The following RAPGEF5 variants were observed in gnomAD, a reference collection of about 807,000 sequenced individuals.
RAPGEF5 encodes the protein Rap guanine nucleotide exchange factor 5.
In RAPGEF5, 65 loss-of-function variants were observed where a neutral mutation model predicts 125.2. The observed-to-expected ratio is 0.52, with a 90% CI of 0.43 to 0.64. RAPGEF5 has a LOEUF of 0.64. Ranked by LOEUF, RAPGEF5 falls within the 30% of genes least tolerant of loss-of-function variation. RAPGEF5 has a pLI of 0.00. For missense variants in RAPGEF5, 958 were observed against 1,048.1 expected (o/e 0.91, Z 1.19); for synonymous variants, 391 against 385.9 (o/e 1.01, Z -0.16).
intron 11 of RAPGEF5, among the ~76,000 whole-genome samples, chr7:22,188,563 G>A (rs1583464099): frequency 6.6e-6 from 1 of 151,988 alleles, no homozygotes; most frequent in Non-Finnish European, 1.5e-5. Flanking sequence ...TCAAGAGATT[G>A]AGACCATCCT....
intron 7 of RAPGEF5, among the ~76,000 whole-genome samples, chr7:22,239,160 G>A (rs993071191): frequency 6.6e-6 from 1 of 152,134 alleles, no homozygotes; most frequent in Non-Finnish European, 1.5e-5. Context: ...ATGGAGATGT[G>A]CCCAGGTGGG....
rs113980579 is a variant in RAPGEF5 at position 22,136,600 on chromosome 7, AGG to A, written c.2328+331_2328+332del. Among the ~76,000 whole-genome samples the A allele has an allele frequency of 2.9e-3, 439 of 152,316 alleles. 1 individual carries two copies. The highest frequency in any genetic ancestry group is 0.01 in the African/African-American group (422 of 41,578). On this transcript the variant is annotated intron_variant, in intron 22 of 25. Transcript: ENST00000665637. ...TCTAAGAAATTGTAAAAAGGAGAAA[AGG>A]GAAAAAGAAAATGCATGAGACACTA...
At chr7:22,133,326 T>C (rs945802601) in intron 23 of RAPGEF5, among the ~76,000 whole-genome samples, 1 of 152,082 alleles carries the variant, frequency 6.6e-6, no homozygotes, top group African/African-American at 2.4e-5. Context: ...CAGGTTTCGA[T>C]GCAGTTGAAT....
chr7:22,305,301 CCTTT>C (rs765363021), intron 5 of RAPGEF5, among the ~76,000 whole-genome samples: 1 of 152,168 alleles, frequency 6.6e-6, no homozygotes, highest in Non-Finnish European at 1.5e-5. Flanking sequence ...CCACAATCAA[CCTTT>C]CTATTAGCAC....
At chr7:22,224,254 T>A (rs1450801591) in intron 8 of RAPGEF5, among the ~76,000 whole-genome samples, 5 of 152,186 alleles carry the variant, frequency 3.3e-5, no homozygotes, top group Non-Finnish European at 5.9e-5. Context: ...ATGGTAAATA[T>A]ATGGGCCTAT....
intron 6 of RAPGEF5, among the ~76,000 whole-genome samples, chr7:22,279,192 T>A (rs1260564320): frequency 6.6e-6 from 1 of 152,200 alleles, no homozygotes; most frequent in Non-Finnish European, 1.5e-5. Flanking sequence ...CTTTTGCCCA[T>A]TCAATTCTCA....
chr7:22,140,082 A>G lies in RAPGEF5; in HGVS notation c.2220T>C (p.Phe740=). Residue 740 remains phenylalanine, a synonymous_variant, in exon 21 of 26, where the codon TTT becomes TTC. Coordinates refer to ENST00000665637, the MANE Select transcript of RAPGEF5 (RefSeq NM_012294.5). ...CAGTGTTGAGACCCATCACAATGGC[A>G]AAGAAAGAATTCAGGTTTCTCTGGG... is the stretch of plus-strand genomic sequence containing the variant. ...CKAQRNLNSF[F]AIVMGLNTAS... The G allele has an allele frequency of 1.9e-6, 3 of 1,564,790 alleles. No individual in the cohort carries two copies. The highest frequency in any genetic ancestry group is 2.4e-5 in the East Asian group (1 of 41,962).
chr7:22,299,204 T>A (rs1468716639), intron 5 of RAPGEF5, among the ~76,000 whole-genome samples: 1 of 152,158 alleles, frequency 6.6e-6, no homozygotes, highest in Non-Finnish European at 1.5e-5. Flanking sequence ...AATATAAGCA[T>A]TAAAATCTAT....
chr7:22,139,822 C>G (rs909418954), intron 21 of RAPGEF5: 5 of 482,074 alleles, frequency 1.0e-5, no homozygotes, highest in African/African-American at 9.8e-5. Context: ...AAGACTAATT[C>G]TAGCTGGGGA....
intron 23 of RAPGEF5, among the ~76,000 whole-genome samples, chr7:22,135,403 G>T (rs1783048948): frequency 1.3e-5 from 2 of 152,070 alleles, no homozygotes; most frequent in African/African-American, 2.4e-5. Flanking sequence ...TAATCCCCTT[G>T]GTTTGAAAGA....
At chr7:22,302,770 C>A (rs2128150826) in intron 5 of RAPGEF5, among the ~76,000 whole-genome samples, 1 of 133,314 alleles carries the variant, frequency 7.5e-6, no homozygotes, top group South Asian at 2.4e-4. Flanking sequence ...CTTCCCCCCA[C>A]CCCACCCCCG....
At chr7:22,237,472 CAA>C (rs36017385) in intron 7 of RAPGEF5, among the ~76,000 whole-genome samples, 229 of 107,346 alleles carry the variant, frequency 2.1e-3, no homozygotes, top group African/African-American at 6.2e-3. Flanking sequence ...TTAGGCTTCT[CAA>C]AAAAAAAAAA....
chr7:22,220,676 A>G (rs1267347035), intron 8 of RAPGEF5, among the ~76,000 whole-genome samples: 2 of 152,148 alleles, frequency 1.3e-5, no homozygotes, highest in African/African-American at 2.4e-5. Flanking sequence ...TGCCTAAATA[A>G]TAATAGGAGG....
At chr7:22,227,172 A>T (rs1289766767) in intron 8 of RAPGEF5, among the ~76,000 whole-genome samples, 1 of 152,008 alleles carries the variant, frequency 6.6e-6, no homozygotes, top group Non-Finnish European at 1.5e-5. Flanking sequence ...ATTATAGCTC[A>T]GACTTGTATA....
chr7:22,173,816 A>G (rs189066796), intron 11 of RAPGEF5, among the ~76,000 whole-genome samples: 1 of 144,386 alleles, frequency 6.9e-6, no homozygotes, highest in East Asian at 2.1e-4. Context: ...TGGGACTAAG[A>G]GCGGTGAGCG....
At chr7:22,268,235 C>T (rs1200982241) in intron 6 of RAPGEF5, among the ~76,000 whole-genome samples, 6 of 152,006 alleles carry the variant, frequency 3.9e-5, no homozygotes, top group Non-Finnish European at 5.9e-5. Flanking sequence ...TCTTTGACAC[C>T]GTAAGATTCT....
intron 9 of RAPGEF5, among the ~76,000 whole-genome samples, chr7:22,210,319 T>C (rs1275304374): frequency 6.6e-6 from 1 of 152,232 alleles, no homozygotes; most frequent in African/African-American, 2.4e-5. Flanking sequence ...GAATTCTTTA[T>C]TCACAGGGGT....
rs1239094159 is a variant in RAPGEF5 at position 22,281,295 on chromosome 7, T to C, written c.747+9880A>G. On this transcript the variant is annotated intron_variant, in intron 6 of 25. Transcript: ENST00000665637. ...GGTACGAGCTCAGCTCACTGCTACC[T>C]CTGCTTTCCGAGCTCAAGCCATCCT... Among the ~76,000 whole-genome samples the C allele has an allele frequency of 3.9e-5, 6 of 152,316 alleles. No individual in the cohort carries two copies. In the East Asian group the frequency reaches 1.2e-3, roughly 29 times the overall value.
At chr7:22,340,802 C>G (rs144141987) in intron 1 of RAPGEF5, among the ~76,000 whole-genome samples, 25 of 152,352 alleles carry the variant, frequency 1.6e-4, no homozygotes, top group Middle Eastern at 6.8e-3. Context: ...TGGGAATGCT[C>G]TACCTCCTTC....
Sources: gnomAD v4.1 joint callset for allele counts (sites outside exome capture counted in the v4.1 genomes callset) on GRCh38, gnomAD v4.1.1 for gene constraint, MANE v1.5 for transcripts, NCBI Gene and HGNC (gene_info 2026-07-23, HGNC 2026-07-21) for gene names.